Variants in DCC observed in about 807,000 individuals in gnomAD.
DCC encodes netrin receptor DCC.
A neutral mutation model predicts 172.5 loss-of-function variants in DCC; 58 were observed. That is an observed-to-expected ratio of 0.34 (90% CI 0.27 to 0.42). The LOEUF (loss-of-function observed/expected upper bound fraction) is 0.42, where lower values mean the gene tolerates loss of function less well. Among genes scored for constraint, DCC ranks in the 10% least tolerant of loss-of-function variants. The pLI, the probability that DCC is intolerant of heterozygous loss-of-function variation, is 1.00. For synonymous variants in DCC, 709 were observed against 644.5 expected (o/e 1.10, Z -1.52); for missense variants, 1,740 against 1,791.0 (o/e 0.97, Z 0.51).
Position 53,523,931 on chromosome 18 carries a change from G to A in DCC, c.4112-2686G>A, listed in dbSNP as rs557435386. On this transcript the variant is annotated intron_variant, in intron 27 of 28. Transcript: ENST00000442544. ...AAAAGAAGGGGGAGGCAGGAGAAAA[G>A]TATTAAATTTATATTAATAAAAAAA... 2.1e-4 allele frequency among the ~76,000 whole-genome samples: 32 copies of A among 152,028 alleles called. No individual in the cohort carries two copies. In the South Asian group the frequency reaches 6.2e-3, roughly 30 times the overall value.
chr18:52,917,653 G>C (rs528131378), intron 3 of DCC, among the ~76,000 whole-genome samples: 1 of 152,160 alleles, frequency 6.6e-6, no homozygotes, highest in Non-Finnish European at 1.5e-5. Context: ...CCATAGGGTG[G>C]TTCCACATTT....
intron 1 of DCC, among the ~76,000 whole-genome samples, chr18:52,388,129 G>A (rs1312154662): frequency 6.6e-6 from 1 of 151,984 alleles, no homozygotes; most frequent in African/African-American, 2.4e-5. Context: ...ACCCAGTGGC[G>A]AGCTTTGGAG....
In DCC at chr18:52,465,258, G is replaced by A. The variant is rs138286155; in HGVS notation, c.91+124380G>A. 4.2e-3 allele frequency among the ~76,000 whole-genome samples: 638 copies of A among 152,250 alleles called. 2 individuals are homozygous for A. The highest frequency in any genetic ancestry group is 7.3e-3 in the Non-Finnish European group (499 of 68,016). Reference sequence around the variant, plus strand: ...TTTAGAATTAACCTGCCTCTGAGGGGCAATGTATTCTCCAAAAGTTGGCGA... The same window carrying A: ...TTTAGAATTAACCTGCCTCTGAGGGACAATGTATTCTCCAAAAGTTGGCGA... On this transcript the variant is annotated intron_variant, in intron 1 of 28. Coordinates refer to ENST00000442544, the MANE Select transcript of DCC (RefSeq NM_005215.4).
chr18:53,264,647 AGGT>A (rs2056651228), intron 12 of DCC, among the ~76,000 whole-genome samples: 1 of 152,038 alleles, frequency 6.6e-6, no homozygotes, highest in African/African-American at 2.4e-5. Context: ...AATTTGGAAA[AGGT>A]GGTATCAGTC....
chr18:53,177,943 G>T (rs2144474299), intron 8 of DCC, among the ~76,000 whole-genome samples: 1 of 152,156 alleles, frequency 6.6e-6, no homozygotes, highest in Non-Finnish European at 1.5e-5. Context: ...ATTTTCCCTG[G>T]CAGAAAAAGA....
intron 5 of DCC, among the ~76,000 whole-genome samples, chr18:53,049,283 C>T (rs1056501236): frequency 1.3e-5 from 2 of 151,964 alleles, no homozygotes; most frequent in Non-Finnish European, 2.9e-5. Context: ...ATGGTATTTC[C>T]TAGCCTATCT....
intron 1 of DCC, among the ~76,000 whole-genome samples, chr18:52,678,602 A>G (rs2035686557): frequency 6.6e-6 from 1 of 152,182 alleles, no homozygotes; most frequent in African/African-American, 2.4e-5. Flanking sequence ...CTTTTTAAAA[A>G]ATGCTCTAAA....
intron 2 of DCC, among the ~76,000 whole-genome samples, chr18:52,778,589 C>T (rs9966586): frequency 0.053 from 8,052 of 152,230 alleles, 288 homozygotes; most frequent in South Asian, 0.16. Context: ...CCTTTAGATA[C>T]ATATTTCCCA....
chr18:52,680,382 G>A (rs2035726741), intron 1 of DCC, among the ~76,000 whole-genome samples: 1 of 152,082 alleles, frequency 6.6e-6, no homozygotes, highest in Admixed American at 6.6e-5. Flanking sequence ...GGCTCTGCCA[G>A]CTAACCTTCC....
In DCC at chr18:52,906,291, A is replaced by G. The variant is rs1302028425; in HGVS notation, c.660A>G (p.Ser220=). 1 of 1,613,732 alleles carries G rather than the reference A, an allele frequency of 6.2e-7. No homozygotes were observed. The highest frequency in any genetic ancestry group is 1.3e-5 in the African/African-American group (1 of 74,930). ...YRCSARNPAS[S]RTGNEAEVRI... is the part of the protein sequence containing the mutation. ...GCTCAGCTCGAAATCCAGCCAGCTC[A>G]AGAACAGGAAATGAAGCAGAAGTCA... Residue 220 remains serine, a synonymous_variant, in exon 3 of 29, where the codon TCA becomes TCG. Coordinates refer to ENST00000442544, the MANE Select transcript of DCC (RefSeq NM_005215.4).
At chr18:52,516,990 C>A (rs1488819286) in intron 1 of DCC, among the ~76,000 whole-genome samples, 1 of 152,084 alleles carries the variant, frequency 6.6e-6, no homozygotes, top group Non-Finnish European at 1.5e-5. Context: ...TCTGTGTAAC[C>A]AGGCACACGT....
At chr18:52,413,409 A>T (rs544407583) in intron 1 of DCC, among the ~76,000 whole-genome samples, 3 of 151,354 alleles carry the variant, frequency 2.0e-5, no homozygotes, top group South Asian at 2.1e-4. Context: ...ATCATGTTTC[A>T]TATAGTTACT....
At chr18:53,454,919 A>G (rs1440914035) in intron 23 of DCC, among the ~76,000 whole-genome samples, 1 of 152,178 alleles carries the variant, frequency 6.6e-6, no homozygotes, top group East Asian at 1.9e-4. Context: ...TTTCTGAGAT[A>G]TATTTGAGTA....
intron 1 of DCC, among the ~76,000 whole-genome samples, chr18:52,354,684 T>G (rs147610221): frequency 1.3e-5 from 2 of 152,188 alleles, no homozygotes; most frequent in African/African-American, 4.8e-5. Context: ...ACCAAATTGG[T>G]TTTTATATAA....
chr18:52,853,746 A>T (rs923654539), intron 2 of DCC, among the ~76,000 whole-genome samples: 1 of 152,194 alleles, frequency 6.6e-6, no homozygotes, highest in Non-Finnish European at 1.5e-5. Context: ...TAGGTCAGGG[A>T]CCAAGACCAC....
intron 7 of DCC, among the ~76,000 whole-genome samples, chr18:53,125,948 A>G (rs183872709): frequency 6.6e-6 from 1 of 152,274 alleles, no homozygotes; most frequent in Admixed American, 6.5e-5. Context: ...GAAGACACAC[A>G]CTGAACAAGT....
intron 15 of DCC, among the ~76,000 whole-genome samples, chr18:53,381,813 C>T (rs1907764221): frequency 6.6e-6 from 1 of 151,792 alleles, no homozygotes; most frequent in African/African-American, 2.4e-5. Flanking sequence ...TTTTCCAGGA[C>T]AGGAATTTAT....
chr18:52,670,772 G>A (rs1599005472), intron 1 of DCC, among the ~76,000 whole-genome samples: 2 of 152,024 alleles, frequency 1.3e-5, no homozygotes, highest in Non-Finnish European at 1.5e-5. Context: ...CCCTGGAAGC[G>A]GAGGTTGCAG....
chr18:53,436,264 T>A (rs575266248), intron 22 of DCC, among the ~76,000 whole-genome samples: 1 of 152,332 alleles, frequency 6.6e-6, no homozygotes, highest in East Asian at 1.9e-4. Context: ...GTTTTGAAGA[T>A]GTATCCATGT....
Sources: gnomAD v4.1 joint callset for allele counts (sites outside exome capture counted in the v4.1 genomes callset) on GRCh38, gnomAD v4.1.1 for gene constraint, MANE v1.5 for transcripts, NCBI Gene and HGNC (gene_info 2026-07-23, HGNC 2026-07-21) for gene names.